MBD5: variants seen among roughly 807,000 people sequenced by gnomAD.
MBD5 encodes methyl-CpG binding domain protein 5.
MBD5 carries 13 observed loss-of-function variants against 117.3 expected under a neutral mutation model. The ratio of observed to expected loss-of-function variants is 0.11; its 90% CI spans 0.07 to 0.18. The LOEUF is 0.18. Among genes scored for constraint, MBD5 ranks in the 10% least tolerant of loss-of-function variants. The pLI is 1.00. For missense variants in MBD5, 1,879 were observed against 2,093.8 expected (o/e 0.90, Z 2.00); for synonymous variants, 727 against 766.4 (o/e 0.95, Z 0.85).
chr2:148,391,596 G>C (rs940900876), intron 4 of MBD5, among the ~76,000 whole-genome samples: 1 of 152,026 alleles, frequency 6.6e-6, no homozygotes, highest in African/African-American at 2.4e-5. Context: ...ACAAGGAATG[G>C]GTTTCTTATC....
At chr2:148,392,206 A>G (rs1175655524) in intron 4 of MBD5, among the ~76,000 whole-genome samples, 2 of 152,192 alleles carry the variant, frequency 1.3e-5, no homozygotes, top group Non-Finnish European at 2.9e-5. Context: ...TTATTCTATA[A>G]TAAACAATGT....
chr2:148,431,124 T>G (rs1050908292), intron 4 of MBD5, among the ~76,000 whole-genome samples: 4 of 152,102 alleles, frequency 2.6e-5, no homozygotes, highest in Non-Finnish European at 5.9e-5. Context: ...TATTCCAGAT[T>G]TTTAGGATTC....
chr2:148,362,776 A>T (rs1009829911), intron 4 of MBD5, among the ~76,000 whole-genome samples: 2 of 152,174 alleles, frequency 1.3e-5, no homozygotes, highest in Admixed American at 6.5e-5. Flanking sequence ...TGGGACAAAG[A>T]TTCCAGAGGA....
intron 9 of MBD5, among the ~76,000 whole-genome samples, chr2:148,484,758 C>G (rs1681281648): frequency 1.3e-5 from 2 of 151,924 alleles, no homozygotes; most frequent in South Asian, 2.1e-4. Context: ...TCTGTATTAT[C>G]CTATCACAAA....
chr2:148,149,061 GTA>G (rs1191947167), intron 1 of MBD5, among the ~76,000 whole-genome samples: 1 of 151,622 alleles, frequency 6.6e-6, no homozygotes, highest in Non-Finnish European at 1.5e-5. Flanking sequence ...CTAGCATTAG[GTA>G]TATCTCCCAA....
At chr2:148,256,664 A>G (rs1326214451) in intron 3 of MBD5, among the ~76,000 whole-genome samples, 3 of 152,222 alleles carry the variant, frequency 2.0e-5, no homozygotes, top group African/African-American at 7.2e-5. Flanking sequence ...TGTCAGTACT[A>G]GGTTGGACTG....
intron 1 of MBD5, among the ~76,000 whole-genome samples, chr2:148,139,611 A>T (rs1697261988): frequency 6.6e-6 from 1 of 152,204 alleles, no homozygotes; most frequent in Admixed American, 6.5e-5. Flanking sequence ...TGGTATATGT[A>T]AAGAAAATAG....
At chr2:148,148,266 A>G (rs1697523024) in intron 1 of MBD5, among the ~76,000 whole-genome samples, 1 of 152,218 alleles carries the variant, frequency 6.6e-6, no homozygotes, top group Non-Finnish European at 1.5e-5. Context: ...CTAAAACTGT[A>G]GAATGTAGAA....
chr2:148,146,721 AT>A (rs1558945472), intron 1 of MBD5, among the ~76,000 whole-genome samples: 1 of 152,132 alleles, frequency 6.6e-6, no homozygotes, highest in Non-Finnish European at 1.5e-5. Flanking sequence ...GGACTCCCTT[AT>A]GCATTGTTGG....
intron 4 of MBD5, among the ~76,000 whole-genome samples, chr2:148,376,803 TATA>T (rs1414076573): frequency 3.2e-5 from 4 of 126,972 alleles, no homozygotes; most frequent in African/African-American, 5.9e-5. Context: ...TAATTTTATA[TATA>T]ATATTATAAT....
intron 11 of MBD5, among the ~76,000 whole-genome samples, chr2:148,498,039 G>T (rs999636251): frequency 6.6e-6 from 1 of 152,154 alleles, no homozygotes; most frequent in African/African-American, 2.4e-5. Flanking sequence ...AAGCCAGGTC[G>T]CAACCCTGGT....
chr2:148,334,156 C>G (rs530422285), intron 3 of MBD5, among the ~76,000 whole-genome samples: 1 of 152,200 alleles, frequency 6.6e-6, no homozygotes, highest in East Asian at 1.9e-4. Context: ...CTGGCTGTCA[C>G]CAATTCCTAA....
chr2:148,110,316 G>A (rs1490185789), intron 1 of MBD5, among the ~76,000 whole-genome samples: 1 of 152,114 alleles, frequency 6.6e-6, no homozygotes, highest in East Asian at 1.9e-4. Flanking sequence ...ATCTTTTCTG[G>A]TAGTATTTCT....
intron 4 of MBD5, among the ~76,000 whole-genome samples, chr2:148,383,857 A>C (rs1234482083): frequency 1.3e-5 from 2 of 152,206 alleles, no homozygotes; most frequent in Non-Finnish European, 2.9e-5. Flanking sequence ...CAAAGACAAA[A>C]ACCAGATGAT....
At chr2:148,416,992 T>C (rs148219486) in intron 4 of MBD5, among the ~76,000 whole-genome samples, 86 of 152,334 alleles carry the variant, frequency 5.6e-4, no homozygotes, top group Non-Finnish European at 9.1e-4. Context: ...GGTGTGTTTA[T>C]ATATATAAAT....
At chr2:148,174,153 A>G (rs1698327358) in intron 1 of MBD5, among the ~76,000 whole-genome samples, 2 of 152,228 alleles carry the variant, frequency 1.3e-5, no homozygotes, top group Admixed American at 6.5e-5. Context: ...GAGCCCATGC[A>G]TGTATGGTCA....
At position 148,273,576 on chromosome 2, in the gene MBD5, C is replaced by G. The variant is rs555567983; in HGVS notation, c.-680+40181C>G. Among the ~76,000 whole-genome samples the G allele has an allele frequency of 3.3e-5, 5 of 152,200 alleles. No individual in the cohort carries two copies. In the East Asian group the frequency reaches 9.7e-4, roughly 29 times the overall value. ...ACACCCCCACCCTCAGGAATAGAAACAGTGCAAGAATACAGCTTCAACCCC... is the reference window on the plus strand; with the variant it reads ...ACACCCCCACCCTCAGGAATAGAAAGAGTGCAAGAATACAGCTTCAACCCC... On this transcript the variant is annotated intron_variant, in intron 3 of 13. Transcript: ENST00000642680.
Position 148,470,164 on chromosome 2 carries a change from G to C in MBD5, c.2221G>C (p.Asp741His). ...CTCTGCTAACCAGCTGCATTTTACA[G>C]ATCCCAGTATGAACTCTAGTGTTCT... ...PCSANQLHFT[D>H]PSMNSSVLQN... The change falls in exon 8 of 14, where the codon GAT (aspartate) becomes CAT (histidine). Residue 741 changes from aspartate (D) to histidine (H), a missense_variant. Physicochemically the swap from Asp to His is moderately conservative, Grantham distance 81. Around this residue, in one of 4 missense-constraint regions of MBD5, gnomAD observed 1,666 missense variants for 1,792.2 expected, o/e 0.93. Transcript: ENST00000642680. 1 of 1,613,944 alleles carries C rather than the reference G, an allele frequency of 6.2e-7. No individual in the cohort carries two copies. Among genetic ancestry groups the C allele is most frequent in the Non-Finnish European group, 8.5e-7 (1 of 1,179,908 alleles).
At chr2:148,318,581 A>G (rs896529026) in intron 3 of MBD5, among the ~76,000 whole-genome samples, 2 of 152,126 alleles carry the variant, frequency 1.3e-5, no homozygotes, top group Non-Finnish European at 2.9e-5. Context: ...CTAGGATTTT[A>G]TAGTTCCCAA....
Sources: gnomAD v4.1 joint callset for allele counts (sites outside exome capture counted in the v4.1 genomes callset) on GRCh38, gnomAD v4.1.1 for gene constraint, gnomAD v4.1.1 regional missense constraint, MANE v1.5 for transcripts, NCBI Gene and HGNC (gene_info 2026-07-23, HGNC 2026-07-21) for gene names.